The following SLC45A1 variants were observed in gnomAD, a reference collection of about 807,000 sequenced individuals.
The protein encoded by SLC45A1 is proton-associated sugar transporter A.
In SLC45A1, 28 loss-of-function variants were observed where a neutral mutation model predicts 57.6. The ratio of observed to expected loss-of-function variants is 0.49; its 90% CI spans 0.36 to 0.67. The LOEUF (loss-of-function observed/expected upper bound fraction) is 0.67. Among genes scored for constraint, SLC45A1 ranks in the 30% least tolerant of loss-of-function variants. The pLI, the probability that SLC45A1 is intolerant of heterozygous loss-of-function variation, is 0.00. For synonymous variants in SLC45A1, 459 were observed against 471.5 expected (o/e 0.97, Z 0.34); for missense variants, 814 against 1,041.5 (o/e 0.78, Z 3.01).
At chr1:8,337,365 G>T (rs1640646021) in intron 6 of SLC45A1, among the ~76,000 whole-genome samples, 1 of 152,212 alleles carries the variant, frequency 6.6e-6, no homozygotes, top group African/African-American at 2.4e-5. Context: ...TTAGAGATGA[G>T]ATTTGGGTGG....
chr1:8,325,243 T>A lies in SLC45A1; in HGVS notation c.398-55T>A. 9.0e-7 allele frequency: 1 copy of A among 1,113,780 alleles called. No homozygotes were observed. Among genetic ancestry groups the A allele is most frequent in the Non-Finnish European group, 1.4e-6 (1 of 732,948 alleles). The allele number at this position is 1,113,780 out of a possible 1,614,324, so 69.0% of individuals were successfully genotyped here. ...TTCAGGAATGTGGAGGCTGATTCGA[T>A]GTCCCCATGTGCCATGGGGACCCTG... On this transcript the variant is annotated intron_variant, in intron 2 of 8. Coordinates refer to ENST00000471889, the MANE Select transcript of SLC45A1 (RefSeq NM_001080397.3). This position sits in a 1 kb window ranked among gnomAD's most constrained non-coding sequence, Gnocchi z 6.3.
At chr1:8,321,527 C>T (rs1221708873) in intron 1 of SLC45A1, among the ~76,000 whole-genome samples, 2 of 152,200 alleles carry the variant, frequency 1.3e-5, no homozygotes, top group Non-Finnish European at 2.9e-5. Flanking sequence ...GATTCTACCC[C>T]CCAGGAAGGC....
rs1363858043 is a variant in SLC45A1 at position 8,339,761 on chromosome 1, TC to T, written c.1980+68del. On this transcript the variant is annotated intron_variant, in intron 8 of 8. Transcript: ENST00000471889. Reference sequence around the variant, plus strand: ...TTGGAGAAACCCCACCTGAGAACTGTCCCCCAGGACCAGCTGCACAATCTGC... The same window carrying T: ...TTGGAGAAACCCCACCTGAGAACTGTCCCCAGGACCAGCTGCACAATCTGC... 7.7e-6 allele frequency: 11 copies of T among 1,434,276 alleles called. No individual in the cohort carries two copies. The Admixed American group carries it at 1.7e-4, about 22-fold the overall frequency. The allele number at this position is 1,434,276 out of a possible 1,614,324, so 88.8% of individuals were successfully genotyped here.
At position 8,318,122 on chromosome 1, in the gene SLC45A1, C is replaced by A; in HGVS notation, c.-89C>A. On this transcript the variant is annotated 5_prime_UTR_variant, in exon 1 of 9. Transcript: ENST00000471889. ...CCGCCCCGGGTGATGCTGCAGCAGC[C>A]GGGACCGCGGCCGGGCAGGCAGCAG... is the stretch of plus-strand genomic sequence containing the variant. 2.1e-6 allele frequency: 1 copy of A among 475,216 alleles called. No individual in the cohort carries two copies. The allele number at this position is 475,216 out of a possible 1,614,324, so 29.4% of individuals were successfully genotyped here. A position where few individuals can be genotyped will look rare whatever the true frequency, so the allele number is the denominator to read the frequency against.
At chr1:8,332,884 C>T (rs923060120) in intron 5 of SLC45A1, among the ~76,000 whole-genome samples, 5 of 152,128 alleles carry the variant, frequency 3.3e-5, no homozygotes, top group African/African-American at 1.2e-4. Flanking sequence ...TGGCCTGCAC[C>T]TGTGGGCGTT....
intron 5 of SLC45A1, among the ~76,000 whole-genome samples, chr1:8,333,171 T>G (rs1640471768): frequency 6.6e-6 from 1 of 152,154 alleles, no homozygotes; most frequent in African/African-American, 2.4e-5. Context: ...TCTGCCTAGA[T>G]GACTTCCCTG....
rs1314294999 is a variant in SLC45A1 at position 8,343,420 on chromosome 1, C to T, written c.1981-327C>T. On this transcript the variant is annotated intron_variant, in intron 8 of 8. Transcript: ENST00000471889. The surrounding 1 kb of genome is among the most constrained non-coding windows in gnomAD (Gnocchi z 7.7). ...GAGGGGATGGCAGGAGTGGAGCGGT[C>T]GCCTGGCTGGGCAGATTGGTTTTCT... Among the ~76,000 whole-genome samples, 3 of 152,106 alleles carry T rather than the reference C, an allele frequency of 2.0e-5. No individual in the cohort carries two copies. Among genetic ancestry groups the T allele is most frequent in the South Asian group, 2.1e-4 (1 of 4,816 alleles).
intron 4 of SLC45A1, among the ~76,000 whole-genome samples, chr1:8,329,114 G>T (rs547477965): frequency 2.3e-4 from 35 of 152,280 alleles, no homozygotes; most frequent in African/African-American, 8.2e-4. Flanking sequence ...AACAAAGGAA[G>T]ATCTACAGTG....
At chr1:8,337,393 A>G (rs1017170397) in intron 6 of SLC45A1, among the ~76,000 whole-genome samples, 1 of 152,228 alleles carries the variant, frequency 6.6e-6, no homozygotes, top group Non-Finnish European at 1.5e-5. Context: ...GCCAAACCAT[A>G]TCAGAAACGA....
rs771766300 is a variant in SLC45A1, at chr1:8,330,408, C to A, written c.915C>A (p.Ser305Arg). Residue 305 changes from serine (S) to arginine (R), a missense_variant, in exon 5 of 9, where the codon AGC becomes AGA. Transcript: ENST00000471889. This position sits in a 1 kb window ranked among gnomAD's most constrained non-coding sequence, Gnocchi z 8.4. ...GTGAGAAGCGGGCAGCCATGAAGAG[C>A]CCCAGCCTCCCGCTGCCCCCGTCCC... is the stretch of plus-strand genomic sequence containing the variant. ...PPSEKRAAMK[S>R]PSLPLPPSPP... is the part of the protein sequence containing the mutation. 2.5e-6 allele frequency: 4 copies of A among 1,612,210 alleles called. No individual in the cohort carries two copies. The African/African-American group carries it at 5.3e-5, about 22-fold the overall frequency.
At chr1:8,329,760 C>T (rs1334720699) in intron 4 of SLC45A1, among the ~76,000 whole-genome samples, 3 of 152,208 alleles carry the variant, frequency 2.0e-5, no homozygotes, top group African/African-American at 7.2e-5. Context: ...GGGCGGCTCT[C>T]CTCATGGTGT....
intron 5 of SLC45A1, among the ~76,000 whole-genome samples, chr1:8,334,804 CAGG>C (rs1268135096): frequency 6.6e-6 from 1 of 152,194 alleles, no homozygotes; most frequent in Non-Finnish European, 1.5e-5. Context: ...CTTCTCGTTC[CAGG>C]AGGAGTTTGC....
intron 1 of SLC45A1, 84 bp from the exon 2 acceptor site, chr1:8,324,222 A>C: frequency 7.9e-7 from 1 of 1,258,072 alleles, no homozygotes; most frequent in Non-Finnish European, 1.1e-6. Context: ...GTTTGACTCT[A>C]AATTCTGCAG....
chr1:8,319,226 A>G (rs754552166), intron 1 of SLC45A1, among the ~76,000 whole-genome samples: 21 of 152,164 alleles, frequency 1.4e-4, no homozygotes, highest in Non-Finnish European at 3.1e-4. Flanking sequence ...GTTGCAGTGA[A>G]CCCAGATCAT....
intron 1 of SLC45A1, among the ~76,000 whole-genome samples, chr1:8,322,458 T>C (rs1305526014): frequency 2.2e-5 from 3 of 137,304 alleles, no homozygotes; most frequent in Non-Finnish European, 4.7e-5. Flanking sequence ...ATTAACACAG[T>C]GTTCTTTATC....
chr1:8,343,893 G>A lies in SLC45A1; in HGVS notation c.2127G>A (p.Met709Ile). The A allele has an allele frequency of 6.2e-7, 1 of 1,614,182 alleles. No homozygotes were observed. The highest frequency in any genetic ancestry group is 8.5e-7 in the Non-Finnish European group (1 of 1,180,020). The change falls in exon 9 of 9, where the codon ATG becomes ATA. Residue 709 changes from methionine (M) to isoleucine (I), a missense_variant. By Grantham distance (10) the Met-to-Ile change is conservative (BLOSUM62 1). Transcript: ENST00000471889. This position sits in a 1 kb window ranked among gnomAD's most constrained non-coding sequence, Gnocchi z 7.7. ...TSAVGSANGV[M>I]YFSSLVSFLG... Reference sequence around the variant, plus strand: ...CCGTGGGCAGTGCCAACGGGGTGATGTACTTCTCCAGCCTCGTGTCCTTCC... The same window carrying A: ...CCGTGGGCAGTGCCAACGGGGTGATATACTTCTCCAGCCTCGTGTCCTTCC...
At chr1:8,339,228 C>T (rs74765211) in intron 7 of SLC45A1, among the ~76,000 whole-genome samples, 7,456 of 152,288 alleles carry the variant, frequency 0.049, 646 homozygotes, top group African/African-American at 0.17. Context: ...CCCTGGGGGA[C>T]CTGGCCCGGG....
rs1032573538 is a variant in SLC45A1, at chr1:8,343,642, G to A, written c.1981-105G>A. ...TGGCGCTGAAAAATGTGAGGCCGCT[G>A]TGTGTGGGCCGCTCGGGCCTCCTGG... is the stretch of plus-strand genomic sequence containing the variant. On this transcript the variant is annotated intron_variant, in intron 8 of 8. Transcript: ENST00000471889. The surrounding 1 kb of genome is among the most constrained non-coding windows in gnomAD (Gnocchi z 7.7). 8 of 1,295,052 alleles carry A rather than the reference G, an allele frequency of 6.2e-6. No individual in the cohort carries two copies. Among genetic ancestry groups the A allele is most frequent in the Middle Eastern group, 3.9e-4 (2 of 5,180 alleles). 80.2% of individuals were successfully genotyped at this position (1,295,052 alleles called of 1,614,324 possible). A position where few individuals can be genotyped will look rare whatever the true frequency, so the allele number is the denominator to read the frequency against.
In SLC45A1 at chr1:8,339,459, G is replaced by T. The variant is rs148324631; in HGVS notation, c.1775-34G>T. 1,823 of 1,608,416 alleles carry T rather than the reference G, an allele frequency of 1.1e-3. 16 individuals are homozygous for T. In the African/African-American group the frequency reaches 0.02, roughly 18 times the overall value. On this transcript the variant is annotated intron_variant, in intron 7 of 8. Transcript: ENST00000471889. ...AGCTGAATCCCCGGAGGCTCTGGCC[G>T]TGTGGCACTGCTCACCCTCTCTGTG...
Sources: allele counts gnomAD v4.1 joint callset (sites outside exome capture counted in the v4.1 genomes callset), GRCh38; gene constraint gnomAD v4.1.1; non-coding constraint Gnocchi (gnomAD v3.1); transcripts MANE v1.5; gene names NCBI Gene and HGNC (gene_info 2026-07-23, HGNC 2026-07-21).